Variants in FLRT2 observed in about 807,000 individuals in gnomAD.
The protein encoded by FLRT2 is fibronectin leucine rich transmembrane protein 2.
FLRT2 carries 15 observed loss-of-function variants against 40.0 expected under a neutral mutation model. The observed-to-expected ratio is 0.38, with a 90% confidence interval of 0.25 to 0.58. The LOEUF (loss-of-function observed/expected upper bound fraction) is 0.58. FLRT2 is among the 20% of genes least tolerant of loss of function. The pLI, the probability that FLRT2 is intolerant of heterozygous loss-of-function variation, is 0.71. For synonymous variants in FLRT2, 380 were observed against 336.8 expected (o/e 1.13, Z -1.41); for missense variants, 726 against 840.0 (o/e 0.86, Z 1.68).
In FLRT2 at chr14:85,639,850, C is replaced by CCT. The variant is rs1894108512; in HGVS notation, c.*16354_*16355dup. ...AGAAATTCTTTATTTTTTTTTTTTT[C>CCT]CTTTTTTTTTTTTTTTGAGACAGTG... On this transcript the variant is annotated 3_prime_UTR_variant, in exon 2 of 2. Coordinates refer to ENST00000330753, the MANE Select transcript of FLRT2 (RefSeq NM_013231.6). The CCT allele has an allele frequency of 3.7e-5, 2 of 53,932 alleles. No individual in the cohort carries two copies. Among genetic ancestry groups the CCT allele is most frequent in the Non-Finnish European group, 7.4e-5 (2 of 26,998 alleles). 3.3% of individuals were successfully genotyped at this position (53,932 alleles called of 1,614,324 possible).
chr14:85,635,941 T>C lies in FLRT2; in HGVS notation c.*12444T>C, dbSNP rs1893988725. On this transcript the variant is annotated 3_prime_UTR_variant, in exon 2 of 2. Transcript: ENST00000330753. ...TCAACATTGCTTTATTAAAGATGTT[T>C]ATATAATTTTTATATAATACACACT... 1.3e-5 allele frequency: 2 copies of C among 152,264 alleles called. No individual in the cohort carries two copies. The highest frequency in any genetic ancestry group is 4.1e-4 in the South Asian group (2 of 4,824). The allele number at this position is 152,264 out of a possible 1,614,324, so 9.4% of individuals were successfully genotyped here.
At chr14:85,609,491 T>C (rs1258020142) in intron 1 of FLRT2, among the ~76,000 whole-genome samples, 3 of 152,188 alleles carry the variant, frequency 2.0e-5, no homozygotes, top group African/African-American at 7.2e-5. Flanking sequence ...CGTAGCCACC[T>C]GCAAAGGTAG....
chr14:85,621,587 G>A lies in FLRT2; in HGVS notation c.73G>A (p.Gly25Arg). The change falls in exon 2 of 2, where the codon GGG becomes AGG. Residue 25 changes from glycine (G) to arginine (R), a missense_variant. Coordinates refer to ENST00000330753, the MANE Select transcript of FLRT2 (RefSeq NM_013231.6). ...GAAGTCTTGGCTTATCATTTCCCTG[G>A]GGCTCTACTCACAGGTGTCCAAACT... ...FLKSWLIISL[G>R]LYSQVSKLLA... is the part of the protein sequence containing the mutation. 6.2e-7 allele frequency: 1 copy of A among 1,613,868 alleles called. No individual in the cohort carries two copies. The highest frequency in any genetic ancestry group is 8.5e-7 in the Non-Finnish European group (1 of 1,179,994).
At chr14:85,608,331 G>A (rs573636304) in intron 1 of FLRT2, among the ~76,000 whole-genome samples, 40 of 152,070 alleles carry the variant, frequency 2.6e-4, no homozygotes, top group African/African-American at 9.6e-4. Context: ...CCGGGTTCAA[G>A]CAATTCTTCT....
chr14:85,547,015 T>C (rs943799640), intron 1 of FLRT2, among the ~76,000 whole-genome samples: 1 of 152,194 alleles, frequency 6.6e-6, no homozygotes, highest in African/African-American at 2.4e-5. Flanking sequence ...TTGATTATCC[T>C]GGGGTCATTG....
At position 85,639,927 on chromosome 14, in the gene FLRT2, C is replaced by A. The variant is rs1022382083; in HGVS notation, c.*16430C>A. ...GCAGCGGCGTGATCTCGACTCACTGCAAGCTCCGCCTTCCGAGTTCACACC... is the reference window on the plus strand; with the variant it reads ...GCAGCGGCGTGATCTCGACTCACTGAAAGCTCCGCCTTCCGAGTTCACACC... On this transcript the variant is annotated 3_prime_UTR_variant, in exon 2 of 2. Coordinates refer to ENST00000330753, the MANE Select transcript of FLRT2 (RefSeq NM_013231.6). 2 of 146,168 alleles carry A rather than the reference C, an allele frequency of 1.4e-5. No homozygotes were observed. Among genetic ancestry groups the A allele is most frequent in the Non-Finnish European group, 1.5e-5 (1 of 67,186 alleles). 9.1% of individuals were successfully genotyped at this position (146,168 alleles called of 1,614,324 possible).
rs1893828446 is a variant in FLRT2, at chr14:85,630,183, C to G, written c.*6686C>G. 6.6e-6 allele frequency: 1 copy of G among 151,278 alleles called. No individual in the cohort carries two copies. 9.4% of individuals were successfully genotyped at this position (151,278 alleles called of 1,614,324 possible). A position where few individuals can be genotyped will look rare whatever the true frequency, so the allele number is the denominator to read the frequency against. ...GGGGATATTATATAAGCTTTATTTTCACTGGCTCTACTGAAAGTTAAGGAT... is the reference window on the plus strand; with the variant it reads ...GGGGATATTATATAAGCTTTATTTTGACTGGCTCTACTGAAAGTTAAGGAT... On this transcript the variant is annotated 3_prime_UTR_variant, in exon 2 of 2. Coordinates refer to ENST00000330753, the MANE Select transcript of FLRT2 (RefSeq NM_013231.6).
intron 1 of FLRT2, among the ~76,000 whole-genome samples, chr14:85,612,677 A>G (rs1209338224): frequency 6.6e-6 from 1 of 152,170 alleles, no homozygotes; most frequent in Non-Finnish European, 1.5e-5. Context: ...ATAGCCTGAC[A>G]CCTCAGCATG....
chr14:85,533,713 A>T (rs1229509303), intron 1 of FLRT2, among the ~76,000 whole-genome samples: 1 of 152,056 alleles, frequency 6.6e-6, no homozygotes, highest in African/African-American at 2.4e-5. Flanking sequence ...GGACGGGGGA[A>T]GACGATGCCG....
At chr14:85,578,233 T>G (rs947633629) in intron 1 of FLRT2, among the ~76,000 whole-genome samples, 1 of 146,714 alleles carries the variant, frequency 6.8e-6, no homozygotes, top group African/African-American at 2.5e-5. Flanking sequence ...TATTTATATA[T>G]TTTTTATGTA....
rs1894362327 is a variant in FLRT2 at position 85,648,591 on chromosome 14, G to A, written c.*25094G>A. 6.6e-6 allele frequency: 1 copy of A among 152,066 alleles called. No individual in the cohort carries two copies. Among genetic ancestry groups the A allele is most frequent in the Non-Finnish European group, 1.5e-5 (1 of 68,036 alleles). The allele number at this position is 152,066 out of a possible 1,614,324, so 9.4% of individuals were successfully genotyped here. A position where few individuals can be genotyped will look rare whatever the true frequency, so the allele number is the denominator to read the frequency against. On this transcript the variant is annotated 3_prime_UTR_variant, in exon 2 of 2. Coordinates refer to ENST00000330753, the MANE Select transcript of FLRT2 (RefSeq NM_013231.6). ...TGCTCTTGTACTTAATACTTCCACT[G>A]GCAGTCCCTTTTCTTTCCTCTTTTA...
intron 1 of FLRT2, among the ~76,000 whole-genome samples, chr14:85,532,173 C>T (rs1857379046): frequency 6.6e-6 from 1 of 152,232 alleles, no homozygotes; most frequent in Non-Finnish European, 1.5e-5. Context: ...TTAAACTCTT[C>T]TGCGGGGAGA....
In FLRT2 at chr14:85,628,589, T is replaced by G. The variant is rs996527385; in HGVS notation, c.*5092T>G. 2.0e-5 allele frequency: 3 copies of G among 152,222 alleles called. No homozygotes were observed. The highest frequency in any genetic ancestry group is 4.4e-5 in the Non-Finnish European group (3 of 68,048). The allele number at this position is 152,222 out of a possible 1,614,324, so 9.4% of individuals were successfully genotyped here. ...TCAACTTCAATTGATTAGTCTCATA[T>G]GATTTTTCAGAACCCCTTTTGCTAA... On this transcript the variant is annotated 3_prime_UTR_variant, in exon 2 of 2. Transcript: ENST00000330753.
rs568268756 is a variant in FLRT2, at chr14:85,627,272, G to A, written c.*3775G>A. On this transcript the variant is annotated 3_prime_UTR_variant, in exon 2 of 2. Transcript: ENST00000330753. ...CTCACACAGAACAAAACAGTTCTTGGTCTTGTTCTTGGTCTTGTCAAACCT... is the reference window on the plus strand; with the variant it reads ...CTCACACAGAACAAAACAGTTCTTGATCTTGTTCTTGGTCTTGTCAAACCT... 7 of 167,126 alleles carry A rather than the reference G, an allele frequency of 4.2e-5. No individual in the cohort carries two copies. The highest frequency in any genetic ancestry group is 8.8e-5 in the Non-Finnish European group (6 of 68,110). The allele number at this position is 167,126 out of a possible 1,614,324, so 10.4% of individuals were successfully genotyped here. A position where few individuals can be genotyped will look rare whatever the true frequency, so the allele number is the denominator to read the frequency against.
chr14:85,603,596 AC>A (rs1395890099), intron 1 of FLRT2, among the ~76,000 whole-genome samples: 2 of 152,286 alleles, frequency 1.3e-5, no homozygotes, highest in African/African-American at 4.8e-5. Flanking sequence ...GAGACCAGGC[AC>A]GGTGGCTCAC....
intron 1 of FLRT2, among the ~76,000 whole-genome samples, chr14:85,558,538 G>A (rs1343315505): frequency 6.6e-6 from 1 of 152,154 alleles, no homozygotes; most frequent in African/African-American, 2.4e-5. Flanking sequence ...CCAGAGACAT[G>A]AGGAGAATTG....
chr14:85,561,752 C>T (rs1212413894), intron 1 of FLRT2, among the ~76,000 whole-genome samples: 1 of 152,214 alleles, frequency 6.6e-6, no homozygotes, highest in Non-Finnish European at 1.5e-5. Context: ...TACCAGAAGC[C>T]TTTCCCACTA....
chr14:85,622,561 C>T lies in FLRT2; in HGVS notation c.1047C>T (p.Ala349=), dbSNP rs772583326. ...GTCCTGAACAAGTCCGGGGGATGGC[C>T]GTCAGGGAATTAAATATGAATCTTT... ...CQGPEQVRGM[A]VRELNMNLLS... is the part of the protein sequence containing the mutation. Residue 349 remains alanine, a synonymous_variant, in exon 2 of 2, where the codon GCC becomes GCT. Transcript: ENST00000330753. 3.1e-6 allele frequency: 5 copies of T among 1,613,644 alleles called. No homozygotes were observed. Among genetic ancestry groups the T allele is most frequent in the South Asian group, 1.1e-5 (1 of 91,056 alleles).
chr14:85,611,817 T>C (rs2753614), intron 1 of FLRT2, among the ~76,000 whole-genome samples: 129,422 of 151,928 alleles, frequency 0.85, 55,214 homozygotes, highest in East Asian at 0.93. Context: ...AGATTGGAAC[T>C]TTTTTCTGGA....
Sources: gnomAD v4.1 joint callset for allele counts (sites outside exome capture counted in the v4.1 genomes callset) on GRCh38, gnomAD v4.1.1 for gene constraint, MANE v1.5 for transcripts, NCBI Gene and HGNC (gene_info 2026-07-23, HGNC 2026-07-21) for gene names.